ST8SIA6: variants seen among roughly 807,000 people sequenced by gnomAD.
ST8SIA6 encodes the protein alpha-2,8-sialyltransferase 8F.
In ST8SIA6, 39 loss-of-function variants were observed where a neutral mutation model predicts 33.6. That is an observed-to-expected ratio of 1.16 (90% CI 0.90 to 1.52). The LOEUF (loss-of-function observed/expected upper bound fraction) is 1.52. ST8SIA6 is among the 40% of genes most tolerant of loss of function. ST8SIA6 has a pLI of 0.00. For synonymous variants in ST8SIA6, 172 were observed against 167.2 expected (o/e 1.03, Z -0.22); for missense variants, 441 against 443.8 (o/e 0.99, Z 0.06).
rs1162895621 is a variant in ST8SIA6 at position 17,318,271 on chromosome 10, A to C, written c.*2607T>G. ...CACTCTGTCACACAGGCTAGAATGCAGTGGTAAGATCACAGCTCACTGCAG... is the reference window on the plus strand; with the variant it reads ...CACTCTGTCACACAGGCTAGAATGCCGTGGTAAGATCACAGCTCACTGCAG... On this transcript the variant is annotated 3_prime_UTR_variant, in exon 8 of 8. Transcript: ENST00000377602. 1 of 174,964 alleles carries C rather than the reference A, an allele frequency of 5.7e-6. No homozygotes were observed. Among genetic ancestry groups the C allele is most frequent in the Admixed American group, 5.6e-5 (1 of 17,760 alleles). 10.8% of individuals were successfully genotyped at this position (174,964 alleles called of 1,614,324 possible). A position where few individuals can be genotyped will look rare whatever the true frequency, so the allele number is the denominator to read the frequency against.
intron 3 of ST8SIA6, among the ~76,000 whole-genome samples, chr10:17,360,967 A>G (rs559253000): frequency 3.9e-4 from 57 of 146,054 alleles, no homozygotes; most frequent in Non-Finnish European, 3.5e-4. Context: ...GGAGGAGGAG[A>G]AGAAGAAGGA....
chr10:17,385,320 C>T (rs1850294168), intron 3 of ST8SIA6, among the ~76,000 whole-genome samples: 1 of 152,202 alleles, frequency 6.6e-6, no homozygotes, highest in South Asian at 2.1e-4. Context: ...GCCTTTGCTT[C>T]AAGTTGTCAC....
chr10:17,405,727 C>T (rs1402193762), intron 2 of ST8SIA6, among the ~76,000 whole-genome samples: 1 of 151,382 alleles, frequency 6.6e-6, no homozygotes, highest in Non-Finnish European at 1.5e-5. Context: ...ACTAAAAGTA[C>T]AAAACTTAGC....
intron 4 of ST8SIA6, among the ~76,000 whole-genome samples, chr10:17,354,062 T>C (rs544291861): frequency 6.6e-6 from 1 of 152,274 alleles, no homozygotes; most frequent in Non-Finnish European, 1.5e-5. Flanking sequence ...GCTAATGCAG[T>C]AATTACCATG....
chr10:17,451,070 C>T (rs1323247898), intron 2 of ST8SIA6, among the ~76,000 whole-genome samples: 1 of 152,172 alleles, frequency 6.6e-6, no homozygotes, highest in Non-Finnish European at 1.5e-5. Flanking sequence ...ATTTGCCCCT[C>T]TGTAAAAATT....
intron 2 of ST8SIA6, among the ~76,000 whole-genome samples, chr10:17,404,220 A>G (rs562155067): frequency 2.0e-5 from 3 of 152,276 alleles, no homozygotes; most frequent in East Asian, 1.9e-4. Context: ...TACTAGGTCT[A>G]TTTTATAAAC....
intron 2 of ST8SIA6, among the ~76,000 whole-genome samples, chr10:17,391,315 T>G (rs1037582071): frequency 2.0e-5 from 3 of 151,888 alleles, no homozygotes; most frequent in Non-Finnish European, 4.4e-5. Context: ...CAGGCTGGAG[T>G]GCAGTGGTGC....
intron 2 of ST8SIA6, among the ~76,000 whole-genome samples, chr10:17,392,451 C>T (rs571841149): frequency 2.6e-4 from 39 of 152,054 alleles, no homozygotes; most frequent in Non-Finnish European, 5.0e-4. Flanking sequence ...CACTTGAGCC[C>T]AGGAGTCCAA....
intron 2 of ST8SIA6, among the ~76,000 whole-genome samples, chr10:17,391,516 C>A (rs1850612899): frequency 6.6e-6 from 1 of 152,050 alleles, no homozygotes; most frequent in South Asian, 2.1e-4. Flanking sequence ...CCTGCCTGGG[C>A]CTCCCAAAGT....
intron 3 of ST8SIA6, among the ~76,000 whole-genome samples, chr10:17,390,239 TC>T (rs1395605528): frequency 6.6e-6 from 1 of 152,114 alleles, no homozygotes; most frequent in Non-Finnish European, 1.5e-5. Context: ...AGCCTCTGCC[TC>T]CCCAAGCACT....
intron 5 of ST8SIA6, among the ~76,000 whole-genome samples, chr10:17,328,232 C>G (rs1357132291): frequency 3.9e-5 from 6 of 152,152 alleles, no homozygotes; most frequent in Non-Finnish European, 8.8e-5. Context: ...AATAGTTAGA[C>G]CTTCAGGCTC....
In ST8SIA6 at chr10:17,346,110, A is replaced by G. The variant is rs766036436; in HGVS notation, c.377+13404T>C. 3.9e-5 allele frequency among the ~76,000 whole-genome samples: 6 copies of G among 152,298 alleles called. No homozygotes were observed. The South Asian group carries it at 1.2e-3, about 32-fold the overall frequency. On this transcript the variant is annotated intron_variant, in intron 4 of 7. Transcript: ENST00000377602. The stretch of plus-strand genomic sequence containing the variant: ...AAGGAATCCAGCCATTCCCCAAAGG[A>G]ATTGAGCCTTCTTGAGCTGCAAGAA...
At chr10:17,365,220 A>C (rs1211012814) in intron 3 of ST8SIA6, among the ~76,000 whole-genome samples, 1 of 152,226 alleles carries the variant, frequency 6.6e-6, no homozygotes, top group Non-Finnish European at 1.5e-5. Context: ...AAATGATAAT[A>C]AATGTCATAT....
At chr10:17,416,700 C>T (rs552362369) in intron 2 of ST8SIA6, among the ~76,000 whole-genome samples, 1 of 152,176 alleles carries the variant, frequency 6.6e-6, no homozygotes. Flanking sequence ...CACATCAGCT[C>T]TTGTCTGGAT....
At chr10:17,448,900 G>A (rs137981871) in intron 2 of ST8SIA6, among the ~76,000 whole-genome samples, 3,453 of 150,624 alleles carry the variant, frequency 0.023, 138 homozygotes, top group African/African-American at 0.079. Flanking sequence ...GATTACAGGC[G>A]TGAGCCATTG....
At chr10:17,415,803 CTTTTTTTTTTTTT>C (rs968920842) in intron 2 of ST8SIA6, among the ~76,000 whole-genome samples, 1 of 92,232 alleles carries the variant, frequency 1.1e-5, no homozygotes, top group African/African-American at 4.8e-5. Context: ...CCTCACTTGT[CTTTTTTTTTTTTT>C]TTTTTTTTTT....
rs1350739438 is a variant in ST8SIA6, at chr10:17,317,304, A to G, written c.*3574T>C. ...GGAAGAGTGATGACCCAAAATAAGA[A>G]AGACCATGAGAAATATTCTTGCCTT... On this transcript the variant is annotated 3_prime_UTR_variant, in exon 8 of 8. Coordinates refer to ENST00000377602, the MANE Select transcript of ST8SIA6 (RefSeq NM_001004470.3). Among the ~76,000 whole-genome samples the G allele has an allele frequency of 6.6e-6, 1 of 152,202 alleles. No homozygotes were observed. The highest frequency in any genetic ancestry group is 1.5e-5 in the Non-Finnish European group (1 of 68,038).
intron 3 of ST8SIA6, among the ~76,000 whole-genome samples, chr10:17,368,232 CAAAAAAAAAAA>C (rs61426907): frequency 2.4e-4 from 18 of 74,166 alleles, no homozygotes; most frequent in East Asian, 1.5e-3. Flanking sequence ...CCTGTCTCTA[CAAAAAAAAAAA>C]AAAAAAAAAA....
intron 2 of ST8SIA6, among the ~76,000 whole-genome samples, chr10:17,393,696 A>G (rs1442300755): frequency 6.6e-6 from 1 of 152,210 alleles, no homozygotes; most frequent in Non-Finnish European, 1.5e-5. Flanking sequence ...TAGAGGCAAG[A>G]CTGACAGGAC....
Sources: gnomAD v4.1 joint callset for allele counts (sites outside exome capture counted in the v4.1 genomes callset) on GRCh38, gnomAD v4.1.1 for gene constraint, MANE v1.5 for transcripts, NCBI Gene and HGNC (gene_info 2026-07-23, HGNC 2026-07-21) for gene names.